The following PIWIL1 variants were observed in gnomAD, a reference collection of about 807,000 sequenced individuals.
PIWIL1 encodes the protein piwi-like protein 1.
Under a neutral mutation model 114.4 loss-of-function variants are expected in PIWIL1, and 73 were observed. The ratio of observed to expected loss-of-function variants is 0.64; its 90% CI spans 0.53 to 0.78. PIWIL1 has a LOEUF of 0.78. PIWIL1 is among the 30% of genes least tolerant of loss of function. The pLI is 0.00. For missense variants in PIWIL1, 723 were observed against 1,063.1 expected (o/e 0.68, Z 4.45); for synonymous variants, 375 against 369.0 (o/e 1.02, Z -0.19).
chr12:130,373,904 C>T (rs1463011089), downstream of PIWIL1, among the ~76,000 whole-genome samples: 2 of 152,082 alleles, frequency 1.3e-5, no homozygotes, highest in African/African-American at 2.4e-5. Context: ...CCGTGAAATC[C>T]CAATTTCTCC....
the PIWIL1 span, chr12:130,424,514 G>A: frequency 1.5e-4 from 188 of 1,231,864 alleles, no homozygotes; most frequent in Admixed American, 2.5e-4. The surrounding 1 kb of genome is among the most constrained non-coding windows in gnomAD (Gnocchi z 9.8). Context: ...AGTCCAGGCC[G>A]CTGTCCGGGC....
the PIWIL1 span, chr12:130,425,585 G>C: frequency 1.3e-5 from 2 of 152,444 alleles, no homozygotes; most frequent in African/African-American, 2.4e-5. Context: ...GGGTGGCACA[G>C]AGCTGGCCAC....
At chr12:130,414,199 C>G in the PIWIL1 span, 1 of 1,614,030 alleles carries the variant, frequency 6.2e-7, no homozygotes, top group Non-Finnish European at 8.5e-7. Context: ...GTGAGCGGGT[C>G]GTAGTCAAAG....
At chr12:130,368,283 C>T (rs374225153) in intron 19 of PIWIL1, among the ~76,000 whole-genome samples, 2 of 152,040 alleles carry the variant, frequency 1.3e-5, no homozygotes, top group African/African-American at 2.4e-5. Flanking sequence ...GTGAAGAAGG[C>T]GACTTTAAGA....
At chr12:130,407,608 C>T in the PIWIL1 span, 69 of 846,422 alleles carry the variant, frequency 8.2e-5, no homozygotes, top group Non-Finnish European at 1.0e-4. Context: ...GCCCTTCCTA[C>T]GGATGGTTCG....
At position 130,371,643 on chromosome 12, in the gene PIWIL1, G is replaced by C. The variant is rs764517784; in HGVS notation, c.*45G>C. 2 of 1,250,222 alleles carry C rather than the reference G, an allele frequency of 1.6e-6. No individual in the cohort carries two copies. Among genetic ancestry groups the C allele is most frequent in the Admixed American group, 4.3e-5 (2 of 46,526 alleles). The allele number at this position is 1,250,222 out of a possible 1,614,324, so 77.4% of individuals were successfully genotyped here. On this transcript the variant is annotated 3_prime_UTR_variant, in exon 21 of 21. Coordinates refer to ENST00000245255, the MANE Select transcript of PIWIL1 (RefSeq NM_004764.5). Reference sequence around the variant, plus strand: ...CCGCTTTTCTTTTTGAAATGACTTTGGGATTTTTTTAAGCTTTTATTTACT... The same window carrying C: ...CCGCTTTTCTTTTTGAAATGACTTTCGGATTTTTTTAAGCTTTTATTTACT...
the PIWIL1 span, among the ~76,000 whole-genome samples, chr12:130,411,024 A>C: frequency 6.6e-6 from 1 of 152,190 alleles, no homozygotes; most frequent in Non-Finnish European, 1.5e-5. Context: ...TTCTTTCCTC[A>C]GTGTTTTCTG....
chr12:130,422,867 C>T, the PIWIL1 span, among the ~76,000 whole-genome samples: 8 of 152,268 alleles, frequency 5.3e-5, no homozygotes, highest in African/African-American at 1.7e-4. The surrounding 1 kb of genome is among the most constrained non-coding windows in gnomAD (Gnocchi z 5.2). Context: ...GAGACAATGG[C>T]TTGAATACAT....
At chr12:130,405,735 G>C in the PIWIL1 span, among the ~76,000 whole-genome samples, 1 of 151,436 alleles carries the variant, frequency 6.6e-6, no homozygotes, top group African/African-American at 2.4e-5. Flanking sequence ...AAAAAGGTAA[G>C]GGAGAAGTCC....
At chr12:130,350,265 T>A (rs1565944620) in intron 9 of PIWIL1, among the ~76,000 whole-genome samples, 1 of 152,214 alleles carries the variant, frequency 6.6e-6, no homozygotes, top group Non-Finnish European at 1.5e-5. Flanking sequence ...TGGCGAGCAG[T>A]GGGAGTTAAG....
At chr12:130,422,329 T>C in the PIWIL1 span, 13 of 582,092 alleles carry the variant, frequency 2.2e-5, no homozygotes, top group South Asian at 2.2e-4. The surrounding 1 kb of genome is among the most constrained non-coding windows in gnomAD (Gnocchi z 5.2). Context: ...CTTTTTGCCA[T>C]GAATAACAGT....
the PIWIL1 span, among the ~76,000 whole-genome samples, chr12:130,391,915 T>A: frequency 1.3e-5 from 2 of 152,242 alleles, no homozygotes; most frequent in African/African-American, 4.8e-5. Flanking sequence ...GTCAGTGACC[T>A]GGTGAATATT....
intron 19 of PIWIL1, among the ~76,000 whole-genome samples, chr12:130,368,110 A>AT: frequency 6.6e-6 from 1 of 152,226 alleles, no homozygotes; most frequent in East Asian, 1.9e-4. Context: ...AACTTGTTCC[A>AT]TTTTTAGTGA....
rs748406306 is a variant in PIWIL1, at chr12:130,356,898, G to A, written c.1405-20G>A. ...GAGAACTTACAATGGAATTTACAGT[G>A]TGTCTGAACTCTCTTCTAGTTTGAT... On this transcript the variant is annotated intron_variant, in intron 12 of 20. Coordinates refer to ENST00000245255, the MANE Select transcript of PIWIL1 (RefSeq NM_004764.5). The A allele has an allele frequency of 7.7e-6, 12 of 1,562,758 alleles. No homozygotes were observed. In the African/African-American group the frequency reaches 1.6e-4, roughly 21 times the overall value.
At chr12:130,414,951 T>C in the PIWIL1 span, among the ~76,000 whole-genome samples, 1 of 152,146 alleles carries the variant, frequency 6.6e-6, no homozygotes, top group Non-Finnish European at 1.5e-5. Flanking sequence ...TGAAATGAAT[T>C]CACTGCTGAA....
chr12:130,411,620 G>T, the PIWIL1 span, among the ~76,000 whole-genome samples: 3 of 152,296 alleles, frequency 2.0e-5, no homozygotes, highest in East Asian at 5.8e-4. Flanking sequence ...TATACTTTCT[G>T]GGTCTGTGGT....
intron 1 of PIWIL1, among the ~76,000 whole-genome samples, chr12:130,338,887 A>G (rs1593075214): frequency 1.2e-5 from 1 of 83,410 alleles, no homozygotes; most frequent in African/African-American, 4.8e-5. Context: ...TGCGGGGGCG[A>G]GGTCCCAGGT....
chr12:130,409,562 T>C, the PIWIL1 span, among the ~76,000 whole-genome samples: 1 of 151,960 alleles, frequency 6.6e-6, no homozygotes, highest in Non-Finnish European at 1.5e-5. Flanking sequence ...GCCAGGATGT[T>C]TCAATCTCCT....
At chr12:130,404,275 A>G in the PIWIL1 span, among the ~76,000 whole-genome samples, 1 of 152,194 alleles carries the variant, frequency 6.6e-6, no homozygotes, top group African/African-American at 2.4e-5. Flanking sequence ...AAAATCATTC[A>G]CAATCATAAT....
Sources: gnomAD v4.1 joint callset for allele counts (sites outside exome capture counted in the v4.1 genomes callset) on GRCh38, gnomAD v4.1.1 for gene constraint, Gnocchi (gnomAD v3.1) non-coding constraint, MANE v1.5 for transcripts, NCBI Gene and HGNC (gene_info 2026-07-23, HGNC 2026-07-21) for gene names.